The following PARP16 variants were observed in gnomAD, a reference collection of about 807,000 sequenced individuals.
PARP16 encodes protein mono-ADP-ribosyltransferase PARP16.
PARP16 carries 31 observed loss-of-function variants against 35.0 expected under a neutral mutation model. The observed-to-expected ratio is 0.88, with a 90% CI of 0.66 to 1.19. The LOEUF (loss-of-function observed/expected upper bound fraction) is 1.19. PARP16 is among the 50% of genes most tolerant of loss of function. The pLI is 0.00. For synonymous variants in PARP16, 162 were observed against 169.5 expected (o/e 0.96, Z 0.34); for missense variants, 424 against 411.2 (o/e 1.03, Z -0.27).
At position 65,286,573 on chromosome 15, in the gene PARP16, T is replaced by C. The variant is rs2090604872; in HGVS notation, c.-147A>G. The stretch of plus-strand genomic sequence containing the variant: ...GGTGGAGCTAGGCAGGGGGCTGAGA[T>C]GACAGGGGTGAGAACGTGCCGACAA... On this transcript the variant is annotated 5_prime_UTR_variant, in exon 1 of 6. Transcript: ENST00000649807. 2 of 551,196 alleles carry C rather than the reference T, an allele frequency of 3.6e-6. No individual in the cohort carries two copies. The highest frequency in any genetic ancestry group is 5.1e-5 in the South Asian group (2 of 39,438). 34.1% of individuals were successfully genotyped at this position (551,196 alleles called of 1,614,324 possible). A position where few individuals can be genotyped will look rare whatever the true frequency, so the allele number is the denominator to read the frequency against.
intron 1 of PARP16, among the ~76,000 whole-genome samples, chr15:65,273,462 T>TA (rs1475081424): frequency 6.6e-6 from 1 of 151,594 alleles, no homozygotes; most frequent in Non-Finnish European, 1.5e-5. Context: ...GGCCAGGAGT[T>TA]AGAGACCAGC....
rs895844461 is a variant in PARP16 at position 65,286,711 on chromosome 15, G to C, written c.-285C>G. 8.0e-6 allele frequency: 3 copies of C among 373,410 alleles called. No homozygotes were observed. Among genetic ancestry groups the C allele is most frequent in the East Asian group, 8.8e-5 (2 of 22,764 alleles). 23.1% of individuals were successfully genotyped at this position (373,410 alleles called of 1,614,324 possible). A position where few individuals can be genotyped will look rare whatever the true frequency, so the allele number is the denominator to read the frequency against. ...AGGGATAAAGGAACTGGGGCTGGTG[G>C]GGGGGAGGGGTTCCCGGCCTAGGGG... On this transcript the variant is annotated 5_prime_UTR_variant, in exon 1 of 6. Coordinates refer to ENST00000649807, the MANE Select transcript of PARP16 (RefSeq NM_001316943.2).
downstream of PARP16, among the ~76,000 whole-genome samples, chr15:65,256,642 C>T (rs779344755): frequency 1.3e-5 from 2 of 151,996 alleles, no homozygotes; most frequent in South Asian, 2.1e-4. Context: ...CTCCTGACGT[C>T]GTGATCCTCC....
In PARP16 at chr15:65,286,282, G is replaced by A. The variant is rs780328703; in HGVS notation, c.145C>T (p.Arg49Cys). 2 of 1,593,738 alleles carry A rather than the reference G, an allele frequency of 1.3e-6. No homozygotes were observed. Among genetic ancestry groups the A allele is most frequent in the Non-Finnish European group, 1.7e-6 (2 of 1,172,238 alleles). The change falls in exon 1 of 6, where the codon CGC (arginine) becomes TGC (cysteine). Residue 49 changes from arginine to cysteine, a missense_variant. Coordinates refer to ENST00000649807, the MANE Select transcript of PARP16 (RefSeq NM_001316943.2). ...GCTTCAAAGTCCTTACAGTCGCCGC[G>A]GGCGTAGGACGCGGGGAAGGGCCGC... ...VLRPFPASYA[R>C]GDCKDFEALL...
At chr15:65,282,735 T>C (rs1211425697) in intron 1 of PARP16, 1 of 152,070 alleles carries the variant, frequency 6.6e-6, no homozygotes, top group African/African-American at 2.4e-5. Flanking sequence ...ATAAACCCCA[T>C]GGGAGGGGCA....
At chr15:65,280,762 T>C (rs1449764097) in intron 1 of PARP16, among the ~76,000 whole-genome samples, 1 of 151,414 alleles carries the variant, frequency 6.6e-6, no homozygotes, top group Non-Finnish European at 1.5e-5. Flanking sequence ...CACTGGGGAG[T>C]CATGGTGTCT....
downstream of PARP16, among the ~76,000 whole-genome samples, chr15:65,254,663 G>A (rs2089452326): frequency 6.6e-6 from 1 of 152,094 alleles, no homozygotes; most frequent in Non-Finnish European, 1.5e-5. Flanking sequence ...AATCACCATG[G>A]CAACGGGATG....
At chr15:65,267,462 C>G (rs1338975498) in intron 2 of PARP16, among the ~76,000 whole-genome samples, 1 of 150,606 alleles carries the variant, frequency 6.6e-6, no homozygotes, top group Non-Finnish European at 1.5e-5. Context: ...AAAAAATTAG[C>G]CGGGCGTGGT....
In PARP16 at chr15:65,282,144, G is replaced by A. The variant is rs1028206683; in HGVS notation, c.174+4109C>T. On this transcript the variant is annotated intron_variant, in intron 1 of 5. Coordinates refer to ENST00000649807, the MANE Select transcript of PARP16 (RefSeq NM_001316943.2). Reference sequence around the variant, plus strand: ...TCCGACCTCAGCCTCCCAAGTAGCTGGGACTACAGGCGTGCACCACCACAC... The same window carrying A: ...TCCGACCTCAGCCTCCCAAGTAGCTAGGACTACAGGCGTGCACCACCACAC... Among the ~76,000 whole-genome samples, 12 of 152,218 alleles carry A rather than the reference G, an allele frequency of 7.9e-5. No homozygotes were observed. The East Asian group carries it at 2.3e-3, about 29-fold the overall frequency.
At chr15:65,276,992 A>AC (rs1415236194) in intron 1 of PARP16, among the ~76,000 whole-genome samples, 1 of 152,032 alleles carries the variant, frequency 6.6e-6, no homozygotes, top group Non-Finnish European at 1.5e-5. Context: ...AAAAAAAAAA[A>AC]AAAAATTATT....
intron 2 of PARP16, among the ~76,000 whole-genome samples, chr15:65,250,613 G>A (rs1417952478): frequency 2.0e-5 from 3 of 152,250 alleles, no homozygotes; most frequent in South Asian, 2.1e-4. Flanking sequence ...CTTGATACAC[G>A]GTAGCATCCT....
chr15:65,276,444 G>A (rs1220519024), intron 1 of PARP16, among the ~76,000 whole-genome samples: 1 of 152,114 alleles, frequency 6.6e-6, no homozygotes, highest in East Asian at 1.9e-4. Flanking sequence ...CAAGATCACA[G>A]CTCACAGCAG....
intron 3 of PARP16, among the ~76,000 whole-genome samples, chr15:65,246,658 T>C (rs1484866992): frequency 6.6e-6 from 1 of 152,138 alleles, no homozygotes; most frequent in Non-Finnish European, 1.5e-5. Flanking sequence ...GAAGAGGGTG[T>C]TGAACCTGTC....
intron 1 of PARP16, among the ~76,000 whole-genome samples, chr15:65,282,836 G>A (rs1470833395): frequency 6.6e-6 from 1 of 152,174 alleles, no homozygotes; most frequent in Non-Finnish European, 1.5e-5. Context: ...GGAGAAGGGG[G>A]AGGATGGGCC....
downstream of PARP16, chr15:65,257,971 C>T (rs2089566079): frequency 1.3e-5 from 2 of 152,088 alleles, no homozygotes; most frequent in South Asian, 4.1e-4. Flanking sequence ...ATATCATATC[C>T]TGGTGATATA....
intron 2 of PARP16, among the ~76,000 whole-genome samples, chr15:65,249,477 C>G (rs746110847): frequency 7.9e-5 from 12 of 152,344 alleles, no homozygotes; most frequent in Admixed American, 3.9e-4. Flanking sequence ...AGAAATGTCT[C>G]GTTCAACCTG....
intron 3 of PARP16, among the ~76,000 whole-genome samples, chr15:65,242,969 C>G (rs1370363293): frequency 1.3e-5 from 2 of 152,168 alleles, no homozygotes; most frequent in Non-Finnish European, 2.9e-5. Flanking sequence ...CCCACCTCAG[C>G]CTCCCAAAGT....
intron 4 of PARP16, among the ~76,000 whole-genome samples, chr15:65,261,812 C>T (rs2089727889): frequency 6.6e-6 from 1 of 152,124 alleles, no homozygotes; most frequent in Non-Finnish European, 1.5e-5. Flanking sequence ...GAACATTTAT[C>T]TTCCACCCTT....
intron 4 of PARP16, 148 bp from the exon 5 acceptor site, chr15:65,261,174 A>T: frequency 1.7e-6 from 1 of 594,178 alleles, no homozygotes; most frequent in South Asian, 2.9e-5. Flanking sequence ...ATGAAGCAGC[A>T]CTGAAAAAAA....
Sources: allele counts gnomAD v4.1 joint callset (sites outside exome capture counted in the v4.1 genomes callset), GRCh38; gene constraint gnomAD v4.1.1; transcripts MANE v1.5; gene names NCBI Gene and HGNC (gene_info 2026-07-23, HGNC 2026-07-21).